The following ZC3H18 variants were observed in gnomAD, a reference collection of about 807,000 sequenced individuals.
ZC3H18 encodes zinc finger CCCH domain-containing protein 18.
Under a neutral mutation model 106.1 loss-of-function variants are expected in ZC3H18, and 8 were observed. The ratio of observed to expected loss-of-function variants is 0.08; its 90% CI spans 0.04 to 0.14. ZC3H18 has a LOEUF of 0.14. ZC3H18 is among the 10% of genes least tolerant of loss of function. The pLI, the probability that ZC3H18 is intolerant of heterozygous loss-of-function variation, is 1.00. For missense variants in ZC3H18, 1,318 were observed against 1,278.4 expected, an observed-to-expected ratio of 1.03 and a Z score of -0.47; for synonymous variants, 635 against 522.1, an observed-to-expected ratio of 1.22 and a Z score of -2.95.
intron 3 of ZC3H18, among the ~76,000 whole-genome samples, chr16:88,589,577 CAGAA>C (rs1212943415): frequency 5.9e-5 from 9 of 152,026 alleles, no homozygotes; most frequent in Admixed American, 5.2e-4. Context: ...TCCACAGAGA[CAGAA>C]AGCAGATTGT....
chr16:88,580,155 TCTG>T lies in ZC3H18; in HGVS notation c.603+2430_603+2432del, dbSNP rs1463520552. 1.7e-3 allele frequency among the ~76,000 whole-genome samples: 233 copies of T among 136,246 alleles called. 3 individuals carry two copies. Among genetic ancestry groups the T allele is most frequent in the Non-Finnish European group, 3.0e-3 (192 of 64,010 alleles). The allele number at this position is 136,246 out of a possible 152,430, so 89.4% of individuals were successfully genotyped here. On this transcript the variant is annotated intron_variant, in intron 2 of 17. Transcript: ENST00000301011. ...GCCTCTCTGTCGTGACACAGGTTCA[TCTG>T]TGTGTGTGTGTGTGTGTGTGTGTGT...
chr16:88,598,098 TCCCACCC>T, intron 3 of ZC3H18, 73 bp from the exon 4 acceptor site: 1 of 102,148 alleles, frequency 9.8e-6, no homozygotes, highest in Non-Finnish European at 1.9e-5. Context: ...CTCTGCCCCC[TCCCACCC>T]CCCACCCCAG....
At chr16:88,587,773 C>T (rs959898772) in intron 3 of ZC3H18, among the ~76,000 whole-genome samples, 25 of 152,294 alleles carry the variant, frequency 1.6e-4, no homozygotes, top group South Asian at 4.1e-4. Flanking sequence ...CTTAGAGGCA[C>T]GTGAGCCAGT....
chr16:88,629,935 C>T (rs1906554115), intron 16 of ZC3H18, among the ~76,000 whole-genome samples: 1 of 152,238 alleles, frequency 6.6e-6, no homozygotes, highest in African/African-American at 2.4e-5. Context: ...CACCTTTGTC[C>T]CTAAGCCCAG....
intron 3 of ZC3H18, among the ~76,000 whole-genome samples, chr16:88,591,461 A>G (rs561903469): frequency 2.0e-5 from 3 of 152,146 alleles, no homozygotes; most frequent in South Asian, 2.1e-4. Context: ...AATTCCAGCT[A>G]TTTGGGAGGC....
Position 88,623,130 on chromosome 16 carries a change from G to T in ZC3H18, c.1668-89G>T, listed in dbSNP as rs562715020. On this transcript the variant is annotated intron_variant, in intron 9 of 17. Coordinates refer to ENST00000301011, the MANE Select transcript of ZC3H18 (RefSeq NM_144604.4). ...GCTTGTGTGTAGCTGTGCGTCTGTGGGTGTGTAGCTGTGCATGTGTGCGTC... is the reference window on the plus strand; with the variant it reads ...GCTTGTGTGTAGCTGTGCGTCTGTGTGTGTGTAGCTGTGCATGTGTGCGTC... 22 of 1,525,134 alleles carry T rather than the reference G, an allele frequency of 1.4e-5. No homozygotes were observed. In the South Asian group the frequency reaches 2.7e-4, roughly 19 times the overall value. The allele number at this position is 1,525,134 out of a possible 1,614,324, so 94.5% of individuals were successfully genotyped here.
At chr16:88,572,723 G>A (rs1410394652) in intron 1 of ZC3H18, among the ~76,000 whole-genome samples, 1 of 151,782 alleles carries the variant, frequency 6.6e-6, no homozygotes, top group Non-Finnish European at 1.5e-5. Context: ...TCATTTCATT[G>A]TCTACACTTA....
intron 15 of ZC3H18, 180 bp from the exon 16 acceptor site, chr16:88,628,578 T>A: frequency 1.6e-6 from 1 of 630,174 alleles, no homozygotes; most frequent in Non-Finnish European, 2.8e-6. Context: ...AAGTGCACAG[T>A]GGGGGTGCCC....
At chr16:88,581,929 G>T (rs1422792713) in intron 2 of ZC3H18, among the ~76,000 whole-genome samples, 1 of 152,220 alleles carries the variant, frequency 6.6e-6, no homozygotes, top group African/African-American at 2.4e-5. Flanking sequence ...CATGTTCCGT[G>T]TTTATATCTG....
chr16:88,584,898 T>A (rs962906181), intron 2 of ZC3H18, among the ~76,000 whole-genome samples: 1 of 152,254 alleles, frequency 6.6e-6, no homozygotes, highest in African/African-American at 2.4e-5. Flanking sequence ...TCCTACACGC[T>A]CACTTCCAAG....
At chr16:88,577,997 G>A (rs977412050) in intron 2 of ZC3H18, among the ~76,000 whole-genome samples, 1 of 152,228 alleles carries the variant, frequency 6.6e-6, no homozygotes, top group African/African-American at 2.4e-5. Flanking sequence ...TTGGGTTGTA[G>A]TGAAAGGTCC....
rs749050122 is a variant in ZC3H18, at chr16:88,624,048, G to A, written c.1884G>A (p.Pro628=). Residue 628 remains proline, a synonymous_variant, in exon 11 of 18, where the codon CCG becomes CCA. Transcript: ENST00000301011. ...SIRTKGEPAP[P]PGKAGEKSVK... is the part of the protein sequence containing the mutation. ...GAACCAAGGGAGAGCCGGCCCCGCC[G>A]CCCGGGAAAGCAGGGTGAGTGCCCA... is the stretch of plus-strand genomic sequence containing the variant. 9.7e-5 allele frequency: 155 copies of A among 1,596,842 alleles called. No homozygotes were observed. The highest frequency in any genetic ancestry group is 1.3e-4 in the Non-Finnish European group (148 of 1,171,150).
chr16:88,624,846 G>C, intron 12 of ZC3H18, 101 bp downstream of exon 12: 4 of 1,457,546 alleles, frequency 2.7e-6, no homozygotes, highest in Non-Finnish European at 3.6e-6. Flanking sequence ...TCCAGAGCCA[G>C]GTGGTGGGAA....
chr16:88,575,455 C>A (rs1914689080), intron 1 of ZC3H18, among the ~76,000 whole-genome samples: 1 of 151,994 alleles, frequency 6.6e-6, no homozygotes, highest in African/African-American at 2.4e-5. Flanking sequence ...TGACCGCTGA[C>A]CTGGCACTGT....
intron 1 of ZC3H18, among the ~76,000 whole-genome samples, chr16:88,574,558 A>G (rs567192763): frequency 6.7e-6 from 1 of 148,588 alleles, no homozygotes; most frequent in East Asian, 2.0e-4. Context: ...TCAGGGTCTC[A>G]CTCTGTCACC....
chr16:88,598,131 A>G (rs1343487374), intron 3 of ZC3H18, 47 bp from the exon 4 acceptor site: 5 of 1,042,672 alleles, frequency 4.8e-6, no homozygotes, highest in Non-Finnish European at 6.3e-6. Flanking sequence ...GCCCTTGTGC[A>G]ATTAGGCTCT....
chr16:88,627,823 G>T lies in ZC3H18; in HGVS notation c.2269+41G>T, dbSNP rs1906406933. The T allele has an allele frequency of 5.0e-6, 8 of 1,610,178 alleles. No homozygotes were observed. In the East Asian group the frequency reaches 1.8e-4, roughly 36 times the overall value. ...GGTACCTTTGGGGAGCAGCTCCCGG[G>T]GGAGGAGGGCGGCATCAGCACAGAC... On this transcript the variant is annotated intron_variant, in intron 14 of 17. Transcript: ENST00000301011. The surrounding 1 kb of genome is among the most constrained non-coding windows in gnomAD (Gnocchi z 4.5).
Position 88,622,185 on chromosome 16 carries a change from C to T in ZC3H18, c.1476-12C>T. On this transcript the variant is annotated splice_polypyrimidine_tract_variant and intron_variant, in intron 8 of 17. Transcript: ENST00000301011. ...GGTGGCCTGAGAGTTGCTAATGCCTCTGTAATTTCAGCCGCCAAGCTGAGC... is the reference window on the plus strand; with the variant it reads ...GGTGGCCTGAGAGTTGCTAATGCCTTTGTAATTTCAGCCGCCAAGCTGAGC... 1 of 1,605,028 alleles carries T rather than the reference C, an allele frequency of 6.2e-7. No individual in the cohort carries two copies. Among genetic ancestry groups the T allele is most frequent in the Non-Finnish European group, 8.5e-7 (1 of 1,173,768 alleles).
intron 2 of ZC3H18, 71 bp downstream of exon 2, chr16:88,577,797 G>T: frequency 1.9e-6 from 3 of 1,608,154 alleles, no homozygotes; most frequent in Non-Finnish European, 2.5e-6. Context: ...TGCTGGAAAG[G>T]AGGGACTCTG....
Sources: gnomAD v4.1 joint callset for allele counts (sites outside exome capture counted in the v4.1 genomes callset) on GRCh38, gnomAD v4.1.1 for gene constraint, Gnocchi (gnomAD v3.1) non-coding constraint, MANE v1.5 for transcripts, NCBI Gene and HGNC (gene_info 2026-07-23, HGNC 2026-07-21) for gene names.